LRMDA: variants seen among roughly 807,000 people sequenced by gnomAD.
The protein encoded by LRMDA is leucine-rich melanocyte differentiation-associated protein.
LRMDA carries 18 observed loss-of-function variants against 29.8 expected under a neutral mutation model. The observed-to-expected ratio is 0.60, with a 90% CI of 0.42 to 0.90. LRMDA has a LOEUF of 0.90. Among genes scored for constraint, LRMDA ranks in the 40% least tolerant of loss-of-function variants. The probability of loss-of-function intolerance (pLI) is 0.00; values close to 1 mark genes in which losing one functional copy is unlikely to be tolerated. For synonymous variants in LRMDA, 125 were observed against 109.4 expected (o/e 1.14, Z -0.89); for missense variants, 273 against 273.9 (o/e 1.00, Z 0.02).
At chr10:75,553,033 C>T (rs1041773794) in intron 2 of LRMDA, among the ~76,000 whole-genome samples, 1 of 152,176 alleles carries the variant, frequency 6.6e-6, no homozygotes, top group Non-Finnish European at 1.5e-5. Flanking sequence ...TTAACATCTG[C>T]ATCACATCTG....
Position 75,525,063 on chromosome 10 carries a change from G to A in LRMDA, c.131+86569G>A, listed in dbSNP as rs533192482. 3.3e-5 allele frequency among the ~76,000 whole-genome samples: 5 copies of A among 152,318 alleles called. No individual in the cohort carries two copies. In the East Asian group the frequency reaches 9.7e-4, roughly 29 times the overall value. ...AATTTATTTATTGACTCATAGCTGG[G>A]AAGTCCAGTGCTGGGTACAGAGGTT... On this transcript the variant is annotated intron_variant, in intron 2 of 6. Transcript: ENST00000611255.
intron 6 of LRMDA, among the ~76,000 whole-genome samples, chr10:76,520,614 AG>A (rs1486741096): frequency 6.6e-6 from 1 of 152,180 alleles, no homozygotes; most frequent in Non-Finnish European, 1.5e-5. Flanking sequence ...AAAGGTAGAA[AG>A]GAAATAGTTA....
At chr10:75,685,633 G>A (rs530589036) in intron 2 of LRMDA, among the ~76,000 whole-genome samples, 1 of 152,186 alleles carries the variant, frequency 6.6e-6, no homozygotes, top group Non-Finnish European at 1.5e-5. Flanking sequence ...TGATTTTGAG[G>A]GGATTGAAGT....
At chr10:75,846,209 G>GTGTGTGTA (rs1554829444) in intron 2 of LRMDA, among the ~76,000 whole-genome samples, 3 of 150,312 alleles carry the variant, frequency 2.0e-5, no homozygotes, top group African/African-American at 7.5e-5. Flanking sequence ...GTGTGTGTGT[G>GTGTGTGTA]TGTGTGTATG....
chr10:76,003,078 A>C (rs2132470792), intron 2 of LRMDA, among the ~76,000 whole-genome samples: 1 of 152,270 alleles, frequency 6.6e-6, no homozygotes, highest in South Asian at 2.1e-4. Context: ...TTTATGTGCA[A>C]ATAGCCCTAG....
chr10:75,945,215 C>G (rs1435752640), intron 2 of LRMDA, among the ~76,000 whole-genome samples: 2 of 152,170 alleles, frequency 1.3e-5, no homozygotes, highest in Non-Finnish European at 2.9e-5. Context: ...CTAATTGAGT[C>G]TCTCATGTGG....
intron 1 of LRMDA, among the ~76,000 whole-genome samples, chr10:75,437,041 C>A (rs192116669): frequency 9.9e-5 from 15 of 152,234 alleles, no homozygotes; most frequent in Non-Finnish European, 1.0e-4. Context: ...ATCCTTTCTC[C>A]TTATTTTCTC....
At chr10:76,151,420 C>T (rs1045110611) in intron 5 of LRMDA, among the ~76,000 whole-genome samples, 51 of 152,222 alleles carry the variant, frequency 3.4e-4, no homozygotes, top group African/African-American at 1.2e-3. Context: ...CCCTCCAAGG[C>T]ATCTGTCGCT....
intron 2 of LRMDA, among the ~76,000 whole-genome samples, chr10:75,706,273 G>A (rs1229085081): frequency 1.3e-5 from 2 of 151,596 alleles, no homozygotes; most frequent in African/African-American, 4.9e-5. Context: ...GCAGTATAAT[G>A]TATGTCTTCA....
intron 5 of LRMDA, among the ~76,000 whole-genome samples, chr10:76,197,534 A>G (rs1190370422): frequency 1.3e-5 from 2 of 152,248 alleles, no homozygotes; most frequent in South Asian, 2.1e-4. Context: ...TGGTTGTGAC[A>G]CTAATATTTA....
chr10:76,275,292 T>G (rs542127967), intron 5 of LRMDA, among the ~76,000 whole-genome samples: 1 of 151,980 alleles, frequency 6.6e-6, no homozygotes, highest in Non-Finnish European at 1.5e-5. Flanking sequence ...TGTCTAGAGA[T>G]TTTTTTCCCC....
intron 2 of LRMDA, among the ~76,000 whole-genome samples, chr10:75,651,805 T>C (rs1841602949): frequency 6.6e-6 from 1 of 152,182 alleles, no homozygotes; most frequent in African/African-American, 2.4e-5. Context: ...GTGGGTTTTT[T>C]ACATTGTATA....
chr10:76,461,195 G>A (rs1842508541), intron 6 of LRMDA, among the ~76,000 whole-genome samples: 1 of 152,058 alleles, frequency 6.6e-6, no homozygotes, highest in Non-Finnish European at 1.5e-5. Context: ...AGTAGCAAGG[G>A]GAGATGAGCA....
At chr10:75,962,104 C>A (rs946511130) in intron 2 of LRMDA, among the ~76,000 whole-genome samples, 3 of 152,176 alleles carry the variant, frequency 2.0e-5, no homozygotes, top group Non-Finnish European at 4.4e-5. Flanking sequence ...TCTGCAATGG[C>A]CCTAATTTCA....
intron 2 of LRMDA, among the ~76,000 whole-genome samples, chr10:75,589,362 G>C (rs752234510): frequency 1.3e-5 from 2 of 152,140 alleles, no homozygotes; most frequent in Admixed American, 6.5e-5. Flanking sequence ...ATGAGATTAA[G>C]TATTCTATTA....
At chr10:76,312,034 G>C (rs1840635963) in intron 5 of LRMDA, among the ~76,000 whole-genome samples, 1 of 152,198 alleles carries the variant, frequency 6.6e-6, no homozygotes, top group Non-Finnish European at 1.5e-5. Context: ...AGGCCTTTGA[G>C]AATCCCAGGC....
intron 5 of LRMDA, among the ~76,000 whole-genome samples, chr10:76,075,401 G>C (rs1002853756): frequency 3.1e-4 from 47 of 152,286 alleles, no homozygotes; most frequent in African/African-American, 1.1e-3. Flanking sequence ...CAAGGAGAGA[G>C]GTCTCAGGAG....
At chr10:76,014,280 A>C (rs562992087) in intron 2 of LRMDA, among the ~76,000 whole-genome samples, 85 of 151,498 alleles carry the variant, frequency 5.6e-4, no homozygotes, top group African/African-American at 2.0e-3. Context: ...TATATTTACT[A>C]TCTGGCTATT....
At chr10:76,127,235 A>G (rs892841379) in intron 5 of LRMDA, among the ~76,000 whole-genome samples, 6 of 152,198 alleles carry the variant, frequency 3.9e-5, no homozygotes, top group Non-Finnish European at 8.8e-5. Context: ...TTATTTAAAT[A>G]CCATCTCAAA....
Sources: gnomAD v4.1 joint callset for allele counts (sites outside exome capture counted in the v4.1 genomes callset) on GRCh38, gnomAD v4.1.1 for gene constraint, MANE v1.5 for transcripts, NCBI Gene and HGNC (gene_info 2026-07-23, HGNC 2026-07-21) for gene names.